TMEM62: variants seen among roughly 807,000 people sequenced by gnomAD.
TMEM62 encodes the protein transmembrane protein 62.
Under a neutral mutation model 70.4 loss-of-function variants are expected in TMEM62, and 41 were observed. The ratio of observed to expected loss-of-function variants is 0.58; its 90% CI spans 0.45 to 0.76. The LOEUF is 0.76. TMEM62 is among the 30% of genes least tolerant of loss of function. The pLI is 0.00. For missense variants in TMEM62, 688 were observed against 788.5 expected (o/e 0.87, Z 1.53); for synonymous variants, 268 against 291.0 (o/e 0.92, Z 0.80).
At chr15:43,166,062 G>T (rs2039377622) in intron 10 of TMEM62, among the ~76,000 whole-genome samples, 2 of 152,332 alleles carry the variant, frequency 1.3e-5, no homozygotes, top group South Asian at 4.1e-4. Context: ...CCTCCTTGAG[G>T]AGGCTTTCCA....
At chr15:43,147,145 G>T (rs550010596) in intron 5 of TMEM62, among the ~76,000 whole-genome samples, 1 of 152,050 alleles carries the variant, frequency 6.6e-6, no homozygotes, top group Non-Finnish European at 1.5e-5. Context: ...TGCATTTTTA[G>T]TAGAAAGGGG....
intron 9 of TMEM62, among the ~76,000 whole-genome samples, chr15:43,155,902 T>C (rs1301416101): frequency 6.6e-6 from 1 of 152,222 alleles, no homozygotes; most frequent in East Asian, 1.9e-4. Context: ...GTTTGCCTTT[T>C]CTTATTCTGA....
chr15:43,140,812 T>C (rs1355751924), intron 4 of TMEM62, among the ~76,000 whole-genome samples: 1 of 152,184 alleles, frequency 6.6e-6, no homozygotes, highest in African/African-American at 2.4e-5. Context: ...CATGCTTCCC[T>C]TCCAGAAGCA....
intron 11 of TMEM62, among the ~76,000 whole-genome samples, chr15:43,175,528 G>C (rs953917521): frequency 1.3e-5 from 2 of 152,200 alleles, no homozygotes; most frequent in Non-Finnish European, 2.9e-5. Flanking sequence ...AGGATCTGTG[G>C]TACTGTAGAC....
Position 43,184,480 on chromosome 15 carries a change from C to CACCTGTTGACA in TMEM62, c.1826_1827insACCTGTTGACA (p.Trp610ProfsTer6), listed in dbSNP as rs754455889. The CACCTGTTGACA allele has an allele frequency of 1.2e-6, 2 of 1,614,136 alleles. No individual in the cohort carries two copies. Among genetic ancestry groups the CACCTGTTGACA allele is most frequent in the Non-Finnish European group, 8.5e-7 (1 of 1,180,030 alleles). ...GCTTTTTTATTCTCCCCTTTGCGGA[C>CACCTGTTGACA]CTGGTTGACACTGCTGACACCTGTT... is the stretch of plus-strand genomic sequence containing the variant. On this transcript the variant is annotated frameshift_variant, in exon 14 of 14. Transcript: ENST00000260403. LOFTEE classifies it high-confidence loss of function.
chr15:43,145,928 G>A (rs1036648606), intron 4 of TMEM62, among the ~76,000 whole-genome samples: 2 of 152,148 alleles, frequency 1.3e-5, no homozygotes, highest in South Asian at 4.1e-4. Context: ...CACTGTTGAC[G>A]CTTAAGGTGG....
chr15:43,140,601 G>T (rs141144688), intron 4 of TMEM62, among the ~76,000 whole-genome samples: 3 of 152,310 alleles, frequency 2.0e-5, no homozygotes, highest in East Asian at 3.9e-4. Flanking sequence ...GAAGGTAGAA[G>T]GAGTAGAAAC....
Position 43,134,137 on chromosome 15 carries a change from G to A in TMEM62, c.181-120G>A, listed in dbSNP as rs539356022. ...AGTGCTGGCCCTGTCCTTACCTGGG[G>A]GGTTCGTTATGCATTGCCTCTTTGC... is the stretch of plus-strand genomic sequence containing the variant. On this transcript the variant is annotated intron_variant, in intron 1 of 13. Coordinates refer to ENST00000260403, the MANE Select transcript of TMEM62 (RefSeq NM_024956.4). 32 of 1,446,690 alleles carry A rather than the reference G, an allele frequency of 2.2e-5. 1 individual carries two copies. In the South Asian group the frequency reaches 3.7e-4, roughly 17 times the overall value. 89.6% of individuals were successfully genotyped at this position (1,446,690 alleles called of 1,614,324 possible). A position where few individuals can be genotyped will look rare whatever the true frequency, so the allele number is the denominator to read the frequency against.
At chr15:43,151,418 G>A (rs1381185269) in intron 7 of TMEM62, among the ~76,000 whole-genome samples, 2 of 151,828 alleles carry the variant, frequency 1.3e-5, no homozygotes, top group Non-Finnish European at 2.9e-5. Context: ...TAGCATTGTT[G>A]ATGGGATGAA....
intron 11 of TMEM62, among the ~76,000 whole-genome samples, chr15:43,175,345 TA>T (rs2040612359): frequency 6.6e-6 from 1 of 152,246 alleles, no homozygotes; most frequent in Non-Finnish European, 1.5e-5. Flanking sequence ...GCTGGTCTTT[TA>T]GCAAAGACAT....
At chr15:43,167,350 G>A (rs2039608984) in intron 10 of TMEM62, among the ~76,000 whole-genome samples, 1 of 151,488 alleles carries the variant, frequency 6.6e-6, no homozygotes, top group Admixed American at 6.6e-5. Context: ...GGGCGGAGGG[G>A]CTCCTCACTT....
rs189614693 is a variant in TMEM62 at position 43,148,691 on chromosome 15, C to T, written c.619-64C>T. On this transcript the variant is annotated intron_variant, in intron 5 of 13. Transcript: ENST00000260403. The stretch of plus-strand genomic sequence containing the variant: ...TAAATCTTCAGAGGAGTTTTCTAAT[C>T]TGTTGACATTAGATTTTAGCCTGAG... 3.2e-6 allele frequency: 5 copies of T among 1,560,468 alleles called. No individual in the cohort carries two copies. In the East Asian group the frequency reaches 1.1e-4, roughly 35 times the overall value.
At position 43,133,925 on chromosome 15, in the gene TMEM62, C is replaced by A. The variant is rs573311291; in HGVS notation, c.123C>A (p.Pro41=). 1.3e-6 allele frequency: 2 copies of A among 1,490,254 alleles called. No individual in the cohort carries two copies. The highest frequency in any genetic ancestry group is 2.6e-5 in the East Asian group (1 of 37,998). 92.3% of individuals were successfully genotyped at this position (1,490,254 alleles called of 1,614,324 possible). A position where few individuals can be genotyped will look rare whatever the true frequency, so the allele number is the denominator to read the frequency against. The change falls in exon 1 of 14, where the codon CCC becomes CCA. Residue 41 remains proline (P), a synonymous_variant. Coordinates refer to ENST00000260403, the MANE Select transcript of TMEM62 (RefSeq NM_024956.4). ...QPSPLPRPAP[P]RRPHPAPGPG... ...CGCCGCTGCCGCGCCCCGCGCCCCC[C>A]AGGAGGCCGCACCCTGCGCCAGGGC...
chr15:43,171,993 T>C (rs894262677), intron 11 of TMEM62, among the ~76,000 whole-genome samples: 2 of 152,186 alleles, frequency 1.3e-5, no homozygotes, highest in African/African-American at 4.8e-5. Flanking sequence ...AATTTTGAAC[T>C]GTTATATATT....
intron 10 of TMEM62, among the ~76,000 whole-genome samples, chr15:43,167,272 C>T (rs974093297): frequency 6.6e-6 from 1 of 151,428 alleles, no homozygotes; most frequent in African/African-American, 2.4e-5. Context: ...CTGACCCCCC[C>T]ACCTCCCTCC....
At chr15:43,176,331 G>C (rs968059269) in intron 11 of TMEM62, among the ~76,000 whole-genome samples, 2 of 152,248 alleles carry the variant, frequency 1.3e-5, no homozygotes, top group African/African-American at 2.4e-5. Context: ...GAAGAGAGCA[G>C]TGGTTCTCCC....
At chr15:43,143,209 G>A (rs2036270079) in intron 4 of TMEM62, among the ~76,000 whole-genome samples, 1 of 152,140 alleles carries the variant, frequency 6.6e-6, no homozygotes, top group Non-Finnish European at 1.5e-5. Flanking sequence ...CTACAGGCAT[G>A]TGCCACCATG....
In TMEM62 at chr15:43,133,772, A is replaced by G; in HGVS notation, c.-31A>G. The G allele has an allele frequency of 3.7e-6, 5 of 1,337,052 alleles. No homozygotes were observed. Among genetic ancestry groups the G allele is most frequent in the East Asian group, 3.1e-5 (1 of 32,068 alleles). 82.8% of individuals were successfully genotyped at this position (1,337,052 alleles called of 1,614,324 possible). ...GCGCCGCGCGGTCCTGCGCGGGATCAGCGAGGGCCGCGCCCCGGCGGGCGG... is the reference window on the plus strand; with the variant it reads ...GCGCCGCGCGGTCCTGCGCGGGATCGGCGAGGGCCGCGCCCCGGCGGGCGG... On this transcript the variant is annotated 5_prime_UTR_variant, in exon 1 of 14. Transcript: ENST00000260403.
intron 5 of TMEM62, 41 bp from the exon 6 acceptor site, chr15:43,148,714 G>A: frequency 6.2e-7 from 1 of 1,601,990 alleles, no homozygotes; most frequent in Non-Finnish European, 8.5e-7. Flanking sequence ...ATTTTAGCCT[G>A]AGCCCTAATT....
Sources: allele counts gnomAD v4.1 joint callset (sites outside exome capture counted in the v4.1 genomes callset), GRCh38; gene constraint gnomAD v4.1.1; transcripts MANE v1.5; gene names NCBI Gene and HGNC (gene_info 2026-07-23, HGNC 2026-07-21).